The following KNTC1 variants were observed in gnomAD, a reference collection of about 807,000 sequenced individuals.
KNTC1 encodes kinetochore-associated protein 1.
A neutral mutation model predicts 314.4 loss-of-function variants in KNTC1; 253 were observed. That is an observed-to-expected ratio of 0.80 (90% CI 0.73 to 0.89). The LOEUF (loss-of-function observed/expected upper bound fraction) is 0.89. Ranked by LOEUF, KNTC1 falls within the 40% of genes least tolerant of loss-of-function variation. The pLI is 0.00. For synonymous variants in KNTC1, 901 were observed against 901.4 expected (o/e 1.00, Z 0.01); for missense variants, 2,475 against 2,572.9 (o/e 0.96, Z 0.82).
chr12:122,595,123 G>C (rs148880360), intron 43 of KNTC1, among the ~76,000 whole-genome samples: 1 of 152,118 alleles, frequency 6.6e-6, no homozygotes, highest in Non-Finnish European at 1.5e-5. Flanking sequence ...TGATTCACCC[G>C]CCTCGGCCTC....
chr12:122,552,207 C>T (rs1031104907), intron 16 of KNTC1, among the ~76,000 whole-genome samples: 1 of 152,012 alleles, frequency 6.6e-6, no homozygotes, highest in Non-Finnish European at 1.5e-5. Flanking sequence ...CTGCACCTGG[C>T]CTCAGGTCAG....
chr12:122,529,629 C>T (rs1158582322), intron 1 of KNTC1, among the ~76,000 whole-genome samples: 1 of 152,208 alleles, frequency 6.6e-6, no homozygotes, highest in Non-Finnish European at 1.5e-5. Flanking sequence ...TAAACCTACA[C>T]TGTTTGCTGC....
intron 60 of KNTC1, among the ~76,000 whole-genome samples, chr12:122,621,643 A>G (rs930559629): frequency 2.6e-5 from 4 of 152,182 alleles, no homozygotes; most frequent in African/African-American, 4.8e-5. Flanking sequence ...CTGAACATGC[A>G]TATTTTTTAT....
intron 13 of KNTC1, among the ~76,000 whole-genome samples, chr12:122,550,317 TA>T (rs1431983748): frequency 1.3e-5 from 2 of 152,170 alleles, no homozygotes; most frequent in Admixed American, 1.3e-4. Flanking sequence ...AGGTATCTCC[TA>T]AAAATAAGGG....
chr12:122,547,822 G>A (rs1962902908), intron 11 of KNTC1, 93 bp from the exon 12 acceptor site: 3 of 724,556 alleles, frequency 4.1e-6, no homozygotes, highest in Admixed American at 3.4e-5. Flanking sequence ...CTTGTAATTG[G>A]CAAAGCCTAC....
intron 32 of KNTC1, 45 bp from the exon 33 acceptor site, chr12:122,580,558 T>G (rs1313363259): frequency 1.7e-6 from 2 of 1,179,922 alleles, no homozygotes; most frequent in Admixed American, 2.2e-5. Context: ...TCTGATAATA[T>G]GAGAATTTGC....
chr12:122,535,633 ACT>A (rs1249869051), intron 3 of KNTC1, among the ~76,000 whole-genome samples: 2 of 151,112 alleles, frequency 1.3e-5, no homozygotes, highest in African/African-American at 4.9e-5. Context: ...ACAGAGCAAA[ACT>A]CTGTCTCCAA....
intron 42 of KNTC1, chr12:122,593,927 T>G (rs1870674769): frequency 5.4e-6 from 1 of 185,090 alleles, no homozygotes; most frequent in African/African-American, 2.4e-5. Context: ...ATATAAGACA[T>G]TTTATTTGCC....
In KNTC1 at chr12:122,607,254, G is replaced by C. The variant is rs535057212; in HGVS notation, c.5496+1839G>C. On this transcript the variant is annotated intron_variant, in intron 51 of 63. Coordinates refer to ENST00000333479, the MANE Select transcript of KNTC1 (RefSeq NM_014708.6). ...AATTTTTGTACTTTTAGTAGAGATG[G>C]GGTTTCACCATGTTGGCCGGGCTGG... Among the ~76,000 whole-genome samples the C allele has an allele frequency of 6.8e-4, 104 of 152,186 alleles. 1 individual carries two copies. In the South Asian group the frequency reaches 0.021, roughly 31 times the overall value.
At chr12:122,625,782 A>G (rs1196876479) in intron 63 of KNTC1, among the ~76,000 whole-genome samples, 4 of 152,188 alleles carry the variant, frequency 2.6e-5, no homozygotes, top group African/African-American at 7.2e-5. Context: ...CTTAAGTGCC[A>G]GGTAAAATTT....
intron 7 of KNTC1, 127 bp from the exon 8 acceptor site, chr12:122,544,032 A>G: frequency 2.1e-6 from 1 of 470,604 alleles, no homozygotes; most frequent in Non-Finnish European, 3.7e-6. Context: ...CTGGGCAACA[A>G]GAGCAAAACT....
In KNTC1 at chr12:122,622,573, A is replaced by C. The variant is rs1258154886; in HGVS notation, c.6481A>C (p.Thr2161Pro). Reference protein sequence around the residue: ...KMHAMNTNNITELVNYLANDL... With the variant: ...KMHAMNTNNIPELVNYLANDL... ...GCATGCGATGAATACCAACAATATC[A>C]CTGAGCTAGTGAACTATTTGGCAAA... Residue 2161 changes from threonine to proline, a missense_variant, in exon 62 of 64, where the codon ACT (threonine) becomes CCT (proline). Physicochemically the swap from Thr to Pro is conservative, Grantham distance 38. Transcript: ENST00000333479. 1.3e-6 allele frequency: 2 copies of C among 1,561,994 alleles called. No individual in the cohort carries two copies. The highest frequency in any genetic ancestry group is 1.4e-5 in the African/African-American group (1 of 73,738).
chr12:122,614,920 T>G, intron 55 of KNTC1, 71 bp from the exon 56 acceptor site: 7 of 1,059,148 alleles, frequency 6.6e-6, no homozygotes, highest in Non-Finnish European at 9.8e-6. Flanking sequence ...TAAGCTGCCC[T>G]ACTTTTCCAA....
intron 44 of KNTC1, among the ~76,000 whole-genome samples, chr12:122,599,938 G>A (rs145242266): frequency 9.2e-5 from 14 of 152,228 alleles, no homozygotes; most frequent in African/African-American, 3.4e-4. Flanking sequence ...AGGATTGCTT[G>A]AGCCCAGGAG....
chr12:122,614,195 C>T (rs566065633), intron 55 of KNTC1, among the ~76,000 whole-genome samples: 4 of 152,254 alleles, frequency 2.6e-5, no homozygotes, highest in African/African-American at 7.2e-5. Context: ...CCTGTCACAG[C>T]GTGTGGATGG....
chr12:122,588,845 G>GT (rs763429554), intron 40 of KNTC1, 29 bp downstream of exon 40: 57 of 1,413,418 alleles, frequency 4.0e-5, no homozygotes, highest in Non-Finnish European at 5.0e-5. Flanking sequence ...TAAAAATTTT[G>GT]TTTGTTTTTT....
intron 48 of KNTC1, 27 bp downstream of exon 48, chr12:122,603,270 GT>G: frequency 2.4e-6 from 3 of 1,229,434 alleles, no homozygotes; most frequent in South Asian, 1.5e-5. Context: ...TAAAATTGTA[GT>G]TAAAAAAAAA....
intron 55 of KNTC1, among the ~76,000 whole-genome samples, 161 bp downstream of exon 55, chr12:122,613,922 C>T (rs1313231275): frequency 6.6e-6 from 1 of 152,144 alleles, no homozygotes; most frequent in African/African-American, 2.4e-5. Flanking sequence ...CTCACTGCAA[C>T]CTCCATCTCC....
chr12:122,618,464 T>C lies in KNTC1; in HGVS notation c.6086-18T>C, dbSNP rs1241990257. 1 of 1,612,036 alleles carries C rather than the reference T, an allele frequency of 6.2e-7. No individual in the cohort carries two copies. Among genetic ancestry groups the C allele is most frequent in the Admixed American group, 1.7e-5 (1 of 59,848 alleles). Reference sequence around the variant, plus strand: ...TGAGTGTGTGTATATCATGGTTGTTTTTTTGTTTTGTTTTCAGCCTCTTGT... The same window carrying C: ...TGAGTGTGTGTATATCATGGTTGTTCTTTTGTTTTGTTTTCAGCCTCTTGT... On this transcript the variant is annotated intron_variant, in intron 58 of 63. Transcript: ENST00000333479.
Sources: allele counts gnomAD v4.1 joint callset (sites outside exome capture counted in the v4.1 genomes callset), GRCh38; gene constraint gnomAD v4.1.1; transcripts MANE v1.5; gene names NCBI Gene and HGNC (gene_info 2026-07-23, HGNC 2026-07-21).